The following SIAH1 variants were observed in gnomAD, a reference collection of about 807,000 sequenced individuals.
SIAH1 encodes siah E3 ubiquitin protein ligase 1, also known as E3 ubiquitin-protein ligase SIAH1.
A neutral mutation model predicts 20.0 loss-of-function variants in SIAH1; 2 were observed. That is an observed-to-expected ratio of 0.10 (90% CI 0.04 to 0.31). SIAH1 has a LOEUF of 0.31. Ranked by LOEUF, SIAH1 falls within the 10% of genes least tolerant of loss-of-function variation. The probability of loss-of-function intolerance (pLI) is 1.00; values close to 1 mark genes in which losing one functional copy is unlikely to be tolerated. For missense variants in SIAH1, 119 were observed against 355.3 expected (o/e 0.33, Z 5.35); for synonymous variants, 118 against 125.3 (o/e 0.94, Z 0.39).
chr16:48,361,556 G>A lies in SIAH1; in HGVS notation c.*24C>T. 6.2e-7 allele frequency: 1 copy of A among 1,605,510 alleles called. No individual in the cohort carries two copies. Among genetic ancestry groups the A allele is most frequent in the South Asian group, 1.1e-5 (1 of 90,862 alleles). ...TGTGAAACTGAAGTTTTAAACACTG[G>A]CCAGAAAATGTTTGATTGCCATTTC... On this transcript the variant is annotated 3_prime_UTR_variant, in exon 2 of 2. Transcript: ENST00000394725.
intron 1 of SIAH1, among the ~76,000 whole-genome samples, chr16:48,364,330 T>A (rs1248846459): frequency 6.6e-6 from 1 of 152,192 alleles, no homozygotes; most frequent in African/African-American, 2.4e-5. Flanking sequence ...AGAAGCAATG[T>A]TGGTTACCAA....
Position 48,361,728 on chromosome 16 carries a change from A to C in SIAH1, c.701T>G (p.Leu234Trp). The change falls in exon 2 of 2, where the codon TTG (leucine) becomes TGG (tryptophan). Residue 234 changes from leucine to tryptophan, a missense_variant. Physicochemically the swap from Leu to Trp is moderately conservative, Grantham distance 61. Coordinates refer to ENST00000394725, the MANE Select transcript of SIAH1 (RefSeq NM_003031.4). ...RLELNGHRRR[L>W]TWEATPRSIH... ...AGATCGAGGAGTCGCTTCCCAAGTCAATCGTCGCCTATGACCATTTAGCTC... is the reference window on the plus strand; with the variant it reads ...AGATCGAGGAGTCGCTTCCCAAGTCCATCGTCGCCTATGACCATTTAGCTC... 1 of 1,614,200 alleles carries C rather than the reference A, an allele frequency of 6.2e-7. No individual in the cohort carries two copies. The highest frequency in any genetic ancestry group is 8.5e-7 in the Non-Finnish European group (1 of 1,180,036).
chr16:48,375,447 C>T (rs905314302), intron 1 of SIAH1, among the ~76,000 whole-genome samples: 7 of 152,134 alleles, frequency 4.6e-5, no homozygotes, highest in Admixed American at 4.6e-4. Context: ...GGAGACCAGC[C>T]TGGCCAACAT....
chr16:48,361,494 A>T lies in SIAH1; in HGVS notation c.*86T>A, dbSNP rs1348713584. The T allele has an allele frequency of 5.2e-6, 7 of 1,357,984 alleles. No individual in the cohort carries two copies. The highest frequency in any genetic ancestry group is 4.7e-5 in the South Asian group (4 of 84,564). 84.1% of individuals were successfully genotyped at this position (1,357,984 alleles called of 1,614,324 possible). The stretch of plus-strand genomic sequence containing the variant: ...GTGTCTAGCTTCCACCTACCGAAAG[A>T]GTTTTAGGTTGGCAGACAGATGGGT... On this transcript the variant is annotated 3_prime_UTR_variant, in exon 2 of 2. Coordinates refer to ENST00000394725, the MANE Select transcript of SIAH1 (RefSeq NM_003031.4).
chr16:48,368,496 G>C (rs1467073538), intron 1 of SIAH1, among the ~76,000 whole-genome samples: 1 of 152,200 alleles, frequency 6.6e-6, no homozygotes, highest in African/African-American at 2.4e-5. Context: ...AGGAGTTCAA[G>C]ACCATCCTGG....
Position 48,362,587 on chromosome 16 carries a change from T to A in SIAH1, c.-2-157A>T, listed in dbSNP as rs1960637951. On this transcript the variant is annotated intron_variant, in intron 1 of 1. Transcript: ENST00000394725. The surrounding 1 kb of genome is among the most constrained non-coding windows in gnomAD (Gnocchi z 4.2). ...AGGATTAAAAAAGATATTAAAAAAA[T>A]AAAATTACACTGAATGTGCACTTTA... is the stretch of plus-strand genomic sequence containing the variant. 1.4e-6 allele frequency: 1 copy of A among 722,968 alleles called. No homozygotes were observed. The highest frequency in any genetic ancestry group is 2.8e-5 in the East Asian group (1 of 36,268). 44.8% of individuals were successfully genotyped at this position (722,968 alleles called of 1,614,324 possible).
intron 1 of SIAH1, among the ~76,000 whole-genome samples, chr16:48,382,821 A>G (rs1170129405): frequency 6.6e-6 from 1 of 152,214 alleles, no homozygotes; most frequent in Non-Finnish European, 1.5e-5. Flanking sequence ...GCTTAAAAAT[A>G]CAATTTAAGC....
chr16:48,385,041 C>G (rs1433419863), intron 1 of SIAH1, among the ~76,000 whole-genome samples, 163 bp downstream of exon 1: 2 of 148,470 alleles, frequency 1.3e-5, no homozygotes, highest in Non-Finnish European at 3.0e-5. Context: ...GGCGCTCGAC[C>G]GGGCGGCCCG....
At chr16:48,367,330 T>C (rs919881700) in intron 1 of SIAH1, among the ~76,000 whole-genome samples, 2 of 152,190 alleles carry the variant, frequency 1.3e-5, no homozygotes, top group East Asian at 3.8e-4. Context: ...CAAAAGATAT[T>C]TCACTGTTTA....
chr16:48,378,908 C>T (rs1049938898), intron 1 of SIAH1, among the ~76,000 whole-genome samples: 1 of 152,224 alleles, frequency 6.6e-6, no homozygotes, highest in African/African-American at 2.4e-5. Context: ...ACCAGGTCTC[C>T]CTTCCACCCC....
chr16:48,361,500 A>G lies in SIAH1; in HGVS notation c.*80T>C. The G allele has an allele frequency of 7.0e-7, 1 of 1,424,500 alleles. No homozygotes were observed. The highest frequency in any genetic ancestry group is 9.8e-7 in the Non-Finnish European group (1 of 1,021,460). The allele number at this position is 1,424,500 out of a possible 1,614,324, so 88.2% of individuals were successfully genotyped here. ...AGCTTCCACCTACCGAAAGAGTTTT[A>G]GGTTGGCAGACAGATGGGTGCCTTA... is the stretch of plus-strand genomic sequence containing the variant. On this transcript the variant is annotated 3_prime_UTR_variant, in exon 2 of 2. Coordinates refer to ENST00000394725, the MANE Select transcript of SIAH1 (RefSeq NM_003031.4).
intron 1 of SIAH1, among the ~76,000 whole-genome samples, chr16:48,379,896 C>A (rs1246689009): frequency 6.6e-6 from 1 of 152,118 alleles, no homozygotes; most frequent in African/African-American, 2.4e-5. Flanking sequence ...TCAGGAGAGG[C>A]TATGTACTTA....
At position 48,361,756 on chromosome 16, in the gene SIAH1, G is replaced by C; in HGVS notation, c.673C>G (p.Leu225Val). 1 of 1,614,156 alleles carries C rather than the reference G, an allele frequency of 6.2e-7. No homozygotes were observed. The highest frequency in any genetic ancestry group is 8.5e-7 in the Non-Finnish European group (1 of 1,180,024). The change falls in exon 2 of 2, where the codon CTT (leucine) becomes GTT (valine). Residue 225 changes from leucine to valine, a missense_variant. By Grantham distance (32) the Leu-to-Val change is conservative (BLOSUM62 1). Coordinates refer to ENST00000394725, the MANE Select transcript of SIAH1 (RefSeq NM_003031.4). The stretch of plus-strand genomic sequence containing the variant: ...CGTCGCCTATGACCATTTAGCTCAA[G>C]TCGGTAAGCAAAATTTTCAGCTTGC... ...RKQAENFAYR[L>V]ELNGHRRRLT...
chr16:48,380,547 AAG>A (rs1303346966), intron 1 of SIAH1, among the ~76,000 whole-genome samples: 1 of 152,122 alleles, frequency 6.6e-6, no homozygotes, highest in Non-Finnish European at 1.5e-5. Flanking sequence ...CTCCCCACCA[AAG>A]AGATATACAG....
intron 1 of SIAH1, among the ~76,000 whole-genome samples, chr16:48,380,928 C>A (rs1392267613): frequency 3.3e-4 from 15 of 44,946 alleles, no homozygotes; most frequent in East Asian, 1.6e-3. Context: ...GACTCCGTCT[C>A]AAAAAAAAAA....
chr16:48,366,020 C>T (rs1188649602), intron 1 of SIAH1: 10 of 629,650 alleles, frequency 1.6e-5, no homozygotes, highest in Non-Finnish European at 2.1e-5. Context: ...CCGTCTTGCT[C>T]GCGCAAGGGT....
intron 1 of SIAH1, among the ~76,000 whole-genome samples, chr16:48,376,832 C>A (rs1054734306): frequency 2.6e-5 from 4 of 152,136 alleles, no homozygotes; most frequent in Non-Finnish European, 5.9e-5. Flanking sequence ...AGTAAAGCTA[C>A]CTTACCCAAC....
chr16:48,369,039 G>T (rs1960917001), intron 1 of SIAH1, among the ~76,000 whole-genome samples: 1 of 152,140 alleles, frequency 6.6e-6, no homozygotes, highest in African/African-American at 2.4e-5. Context: ...GCTTCTATTT[G>T]AAGACTTACT....
intron 1 of SIAH1, among the ~76,000 whole-genome samples, chr16:48,375,868 G>C (rs1029453792): frequency 2.6e-5 from 4 of 152,174 alleles, no homozygotes; most frequent in African/African-American, 9.7e-5. Context: ...TAAGATGCAG[G>C]ATCAGACAAA....
Sources: allele counts gnomAD v4.1 joint callset (sites outside exome capture counted in the v4.1 genomes callset), GRCh38; gene constraint gnomAD v4.1.1; non-coding constraint Gnocchi (gnomAD v3.1); transcripts MANE v1.5; gene names NCBI Gene and HGNC (gene_info 2026-07-23, HGNC 2026-07-21).